Variants in PRDM16 observed in about 807,000 individuals in gnomAD.
PRDM16 encodes histone-lysine N-methyltransferase PRDM16.
PRDM16 carries 23 observed loss-of-function variants against 110.6 expected under a neutral mutation model. The ratio of observed to expected loss-of-function variants is 0.21; its 90% CI spans 0.15 to 0.29. The LOEUF (loss-of-function observed/expected upper bound fraction) is 0.29. Among genes scored for constraint, PRDM16 ranks in the 10% least tolerant of loss-of-function variants. The pLI, the probability that PRDM16 is intolerant of heterozygous loss-of-function variation, is 1.00. For synonymous variants in PRDM16, 799 were observed against 781.8 expected (o/e 1.02, Z -0.37); for missense variants, 1,615 against 1,794.3 (o/e 0.90, Z 1.81).
chr1:3,308,650 G>A (rs1380559019), intron 3 of PRDM16: 3 of 152,198 alleles, frequency 2.0e-5, no homozygotes, highest in East Asian at 1.9e-4. Context: ...GTGCGCCTCC[G>A]GCTTGCAAGC....
intron 1 of PRDM16, among the ~76,000 whole-genome samples, chr1:3,091,025 C>T (rs940461873): frequency 6.6e-5 from 10 of 152,214 alleles, no homozygotes; most frequent in Non-Finnish European, 1.0e-4. Flanking sequence ...CAAGTCTGCC[C>T]GGAGACCTCA....
chr1:3,188,565 T>C (rs1401899607), intron 2 of PRDM16, among the ~76,000 whole-genome samples: 1 of 152,188 alleles, frequency 6.6e-6, no homozygotes, highest in African/African-American at 2.4e-5. Flanking sequence ...GGTGGCCACC[T>C]GACAGATACC....
chr1:3,430,534 G>A (rs1638736352), intron 14 of PRDM16, among the ~76,000 whole-genome samples: 1 of 152,220 alleles, frequency 6.6e-6, no homozygotes, highest in Admixed American at 6.5e-5. Context: ...CCGTGCCAGT[G>A]CAGGTCCAGC....
At position 3,089,902 on chromosome 1, in the gene PRDM16, C is replaced by T. The variant is rs182332298; in HGVS notation, c.37+20606C>T. ...GCTGCTCAGAACCACTGTGACCCAG[C>T]GTCTAAAATCCACTCATTCATTCAT... On this transcript the variant is annotated intron_variant, in intron 1 of 16. Transcript: ENST00000270722. Among the ~76,000 whole-genome samples, 12 of 143,772 alleles carry T rather than the reference C, an allele frequency of 8.3e-5. No homozygotes were observed. In the South Asian group the frequency reaches 2.0e-3, roughly 24 times the overall value. The allele number at this position is 143,772 out of a possible 152,430, so 94.3% of individuals were successfully genotyped here.
At position 3,312,403 on chromosome 1, in the gene PRDM16, G is replaced by A. The variant is rs189272090; in HGVS notation, c.438+68266G>A. ...GGGTGTGGTGGGACCACAGGGCCCC[G>A]AGGGCAGCAGGCAGCCCCCAGCCTC... On this transcript the variant is annotated intron_variant, in intron 3 of 16. Coordinates refer to ENST00000270722, the MANE Select transcript of PRDM16 (RefSeq NM_022114.4). 5.3e-5 allele frequency among the ~76,000 whole-genome samples: 8 copies of A among 152,312 alleles called. No homozygotes were observed. The East Asian group carries it at 1.4e-3, about 26-fold the overall frequency.
chr1:3,287,289 A>G (rs1640870129), intron 3 of PRDM16, among the ~76,000 whole-genome samples: 1 of 146,046 alleles, frequency 6.8e-6, no homozygotes, highest in Non-Finnish European at 1.5e-5. Flanking sequence ...GCGGGCATCC[A>G]GGATTGCATT....
chr1:3,305,037 G>T, intron 3 of PRDM16, among the ~76,000 whole-genome samples: 1 of 152,310 alleles, frequency 6.6e-6, no homozygotes. Flanking sequence ...GTTGAGAAAC[G>T]GATGATGGGT....
rs566745275 is a variant in PRDM16, at chr1:3,275,551, G to A, written c.438+31414G>A. On this transcript the variant is annotated intron_variant, in intron 3 of 16. Coordinates refer to ENST00000270722, the MANE Select transcript of PRDM16 (RefSeq NM_022114.4). ...GCCCCGAGGTGGGGGGGTTCAGGAC[G>A]GGTCACCCTGTCCTGGTGCAGGCAG... 1.8e-4 allele frequency among the ~76,000 whole-genome samples: 27 copies of A among 152,270 alleles called. 1 individual carries two copies. Among genetic ancestry groups the A allele is most frequent in the African/African-American group, 5.8e-4 (24 of 41,564 alleles).
intron 3 of PRDM16, among the ~76,000 whole-genome samples, chr1:3,319,150 A>G (rs1159535136): frequency 6.6e-6 from 1 of 152,122 alleles, no homozygotes; most frequent in African/African-American, 2.4e-5. Context: ...GGGACTGCTG[A>G]GGCTGGAGGT....
At chr1:3,114,179 ACACACGCACACACG>A (rs1553127231) in intron 1 of PRDM16, among the ~76,000 whole-genome samples, 3 of 70,064 alleles carry the variant, frequency 4.3e-5, no homozygotes, top group African/African-American at 1.5e-4. Flanking sequence ...ACACACGCAC[ACACACGCACACACG>A]CACACGCACG....
chr1:3,174,447 G>A (rs1378402268), intron 1 of PRDM16, among the ~76,000 whole-genome samples: 4 of 152,160 alleles, frequency 2.6e-5, no homozygotes, highest in African/African-American at 9.7e-5. Flanking sequence ...GGGTGACAGT[G>A]GGGGCTGGTG....
At chr1:3,323,167 C>T (rs1191328341) in intron 3 of PRDM16, among the ~76,000 whole-genome samples, 1 of 152,238 alleles carries the variant, frequency 6.6e-6, no homozygotes, top group Non-Finnish European at 1.5e-5. Context: ...AAAAGGGTCT[C>T]AGGACTTAGC....
rs1999527 is a variant in PRDM16, at chr1:3,339,544, C to A, written c.439-45608C>A. Among the ~76,000 whole-genome samples, 54,856 of 151,308 alleles carry A rather than the reference C, an allele frequency of 0.36. 10,729 individuals carry two copies. The highest frequency in any genetic ancestry group is 0.68 in the East Asian group (3,410 of 5,036). On this transcript the variant is annotated intron_variant, in intron 3 of 16. Transcript: ENST00000270722. The surrounding 1 kb of genome is among the most constrained non-coding windows in gnomAD (Gnocchi z 5.0). ...CAACAAAGCTTTGTTGCCCACCGAG[C>A]GATTCAGGCAGTGAGGTGGGAAGGA...
Position 3,244,371 on chromosome 1 carries a change from C to T in PRDM16, c.438+234C>T, listed in dbSNP as rs1209592057. Among the ~76,000 whole-genome samples the T allele has an allele frequency of 6.6e-6, 1 of 152,062 alleles. No homozygotes were observed. Among genetic ancestry groups the T allele is most frequent in the Non-Finnish European group, 1.5e-5 (1 of 68,010 alleles). ...TCGCCGTAGGGTCACAGGTACAGGGCCATCCGCCACTCTCCTAACTCCCGA... is the reference window on the plus strand; with the variant it reads ...TCGCCGTAGGGTCACAGGTACAGGGTCATCCGCCACTCTCCTAACTCCCGA... On this transcript the variant is annotated intron_variant, in intron 3 of 16. Transcript: ENST00000270722. The surrounding 1 kb of genome is among the most constrained non-coding windows in gnomAD (Gnocchi z 4.1).
Position 3,069,593 on chromosome 1 carries a change from G to A in PRDM16, c.37+297G>A, listed in dbSNP as rs920973762. On this transcript the variant is annotated intron_variant, in intron 1 of 16. Coordinates refer to ENST00000270722, the MANE Select transcript of PRDM16 (RefSeq NM_022114.4). The surrounding 1 kb of genome is among the most constrained non-coding windows in gnomAD (Gnocchi z 6.1). ...TCGGGCCCGGGAACCCGAGGCGCGC[G>A]GTGGGGGCCGGGGAGGGGGGCGGAG... is the stretch of plus-strand genomic sequence containing the variant. 2.0e-5 allele frequency among the ~76,000 whole-genome samples: 3 copies of A among 150,072 alleles called. No homozygotes were observed. Among genetic ancestry groups the A allele is most frequent in the African/African-American group, 7.3e-5 (3 of 41,280 alleles).
chr1:3,124,994 G>A (rs1489118349), intron 1 of PRDM16, among the ~76,000 whole-genome samples: 2 of 152,234 alleles, frequency 1.3e-5, no homozygotes, highest in African/African-American at 2.4e-5. Flanking sequence ...TCAGGTTCCT[G>A]TCAGCTCCGC....
chr1:3,320,119 A>G (rs941238326), intron 3 of PRDM16, among the ~76,000 whole-genome samples: 1 of 152,106 alleles, frequency 6.6e-6, no homozygotes, highest in Non-Finnish European at 1.5e-5. Context: ...CAGGGTGTAC[A>G]CCTACGCCTG....
chr1:3,116,376 C>T (rs371706280), intron 1 of PRDM16, among the ~76,000 whole-genome samples: 63 of 152,274 alleles, frequency 4.1e-4, no homozygotes, highest in East Asian at 2.1e-3. Flanking sequence ...ACGGGGGGGA[C>T]GCGGGTTCAC....
At chr1:3,251,033 C>A (rs549233333) in intron 3 of PRDM16, among the ~76,000 whole-genome samples, 1 of 152,284 alleles carries the variant, frequency 6.6e-6, no homozygotes, top group South Asian at 2.1e-4. Context: ...AGGCTTTAGG[C>A]TGAAACTTAA....
Sources: gnomAD v4.1 joint callset for allele counts (sites outside exome capture counted in the v4.1 genomes callset) on GRCh38, gnomAD v4.1.1 for gene constraint, Gnocchi (gnomAD v3.1) non-coding constraint, MANE v1.5 for transcripts, NCBI Gene and HGNC (gene_info 2026-07-23, HGNC 2026-07-21) for gene names.